JARID2: variants seen among roughly 807,000 people sequenced by gnomAD.
The protein encoded by JARID2 is jumonji and AT-rich interaction domain containing 2.
Under a neutral mutation model 125.6 loss-of-function variants are expected in JARID2, and 21 were observed. The observed-to-expected ratio is 0.17, with a 90% CI of 0.12 to 0.24. The LOEUF (loss-of-function observed/expected upper bound fraction) is 0.24, where lower values mean the gene tolerates loss of function less well. Among genes scored for constraint, JARID2 ranks in the 10% least tolerant of loss-of-function variants. JARID2 has a pLI of 1.00. For missense variants in JARID2, 1,303 were observed against 1,639.6 expected, an observed-to-expected ratio of 0.79 and a Z score of 3.55; for synonymous variants, 736 against 661.6, an observed-to-expected ratio of 1.11 and a Z score of -1.73.
chr6:15,442,974 A>C (rs189144530), intron 3 of JARID2, among the ~76,000 whole-genome samples: 1 of 152,236 alleles, frequency 6.6e-6, no homozygotes, highest in Non-Finnish European at 1.5e-5. Context: ...ATATGCACCA[A>C]GTCATGTTTT....
chr6:15,387,121 G>C (rs979080572), intron 2 of JARID2, among the ~76,000 whole-genome samples: 1 of 152,138 alleles, frequency 6.6e-6, no homozygotes, highest in African/African-American at 2.4e-5. Context: ...TTCCCCAGAG[G>C]CACTCTATAG....
intron 3 of JARID2, among the ~76,000 whole-genome samples, chr6:15,413,868 C>T (rs1329507383): frequency 1.3e-5 from 2 of 152,190 alleles, no homozygotes; most frequent in South Asian, 2.1e-4. Flanking sequence ...TTCTTAAGAT[C>T]TCACCCTCTC....
chr6:15,494,183 C>T (rs1048811543), intron 6 of JARID2, among the ~76,000 whole-genome samples: 2 of 152,064 alleles, frequency 1.3e-5, no homozygotes, highest in South Asian at 4.1e-4. Context: ...GTCTCAGTGG[C>T]TTCTTTCCTT....
At chr6:15,333,637 T>C (rs1762788579) in intron 1 of JARID2, among the ~76,000 whole-genome samples, 1 of 152,206 alleles carries the variant, frequency 6.6e-6, no homozygotes, top group South Asian at 2.1e-4. Context: ...CTGACAACAT[T>C]TGCAGTGTTG....
chr6:15,488,531 C>T (rs773974658), intron 6 of JARID2, among the ~76,000 whole-genome samples: 4 of 152,148 alleles, frequency 2.6e-5, no homozygotes, highest in Non-Finnish European at 5.9e-5. Flanking sequence ...GTAGAGGGGA[C>T]GGAAGAGATT....
chr6:15,451,413 G>A (rs1224513290), intron 3 of JARID2, among the ~76,000 whole-genome samples: 3 of 152,176 alleles, frequency 2.0e-5, no homozygotes, highest in African/African-American at 7.2e-5. Flanking sequence ...ATTGGAGGGG[G>A]CGTAGATAGA....
intron 1 of JARID2, among the ~76,000 whole-genome samples, chr6:15,370,009 A>G (rs546959540): frequency 6.6e-6 from 1 of 152,294 alleles, no homozygotes; most frequent in Non-Finnish European, 1.5e-5. Context: ...GGAGTGTTTT[A>G]TGAGGATAGC....
At chr6:15,377,114 C>G (rs898414504) in intron 2 of JARID2, among the ~76,000 whole-genome samples, 10 of 152,250 alleles carry the variant, frequency 6.6e-5, no homozygotes, top group Non-Finnish European at 1.2e-4. Flanking sequence ...CAAATGAAAT[C>G]AGAAGATAGG....
intron 1 of JARID2, among the ~76,000 whole-genome samples, chr6:15,275,534 C>CCCCCCCCG (rs1760468084): frequency 1.4e-4 from 1 of 6,952 alleles, no homozygotes; most frequent in Non-Finnish European, 4.0e-4. Flanking sequence ...GCCCCCCCCG[C>CCCCCCCCG]CCCCCCCCCC....
chr6:15,467,707 G>A (rs558608785), intron 4 of JARID2, among the ~76,000 whole-genome samples: 19 of 152,174 alleles, frequency 1.2e-4, no homozygotes, highest in African/African-American at 2.4e-4. Context: ...GTGGTGGTGC[G>A]CACCTGTAGC....
intron 1 of JARID2, among the ~76,000 whole-genome samples, chr6:15,295,085 T>G (rs1221921151): frequency 1.3e-5 from 2 of 152,058 alleles, no homozygotes; most frequent in Non-Finnish European, 1.5e-5. Context: ...TGCAGACCAT[T>G]TGTGTGACCA....
At chr6:15,252,849 T>C (rs1759509459) in intron 1 of JARID2, among the ~76,000 whole-genome samples, 1 of 152,212 alleles carries the variant, frequency 6.6e-6, no homozygotes, top group African/African-American at 2.4e-5. Context: ...CAGTCTTTGT[T>C]TTTCTGATTC....
chr6:15,257,142 A>G (rs952043366), intron 1 of JARID2, among the ~76,000 whole-genome samples: 1 of 152,152 alleles, frequency 6.6e-6, no homozygotes, highest in Non-Finnish European at 1.5e-5. Flanking sequence ...TGCCTTTGGA[A>G]ATACTTTTCT....
At chr6:15,503,788 G>A (rs1332363208) in intron 8 of JARID2, among the ~76,000 whole-genome samples, 3 of 152,204 alleles carry the variant, frequency 2.0e-5, no homozygotes, top group African/African-American at 4.8e-5. Flanking sequence ...TCTGAAAAAC[G>A]CACCACATTT....
intron 1 of JARID2, among the ~76,000 whole-genome samples, chr6:15,334,339 G>A (rs920948184): frequency 2.0e-5 from 3 of 152,038 alleles, no homozygotes; most frequent in Admixed American, 6.5e-5. Flanking sequence ...GAGCCCTAGA[G>A]TTACTTTGGC....
intron 4 of JARID2, among the ~76,000 whole-genome samples, chr6:15,454,236 A>G (rs1768049802): frequency 6.6e-6 from 1 of 150,714 alleles, no homozygotes; most frequent in Non-Finnish European, 1.5e-5. Context: ...GTTGCTCCTC[A>G]CCCCCTCTCC....
At chr6:15,413,008 G>GTTTGTTTTTTTTTT (rs1765958572) in intron 3 of JARID2, among the ~76,000 whole-genome samples, 1 of 47,474 alleles carries the variant, frequency 2.1e-5, no homozygotes, top group East Asian at 5.4e-4. Flanking sequence ...TTGTGTTTTT[G>GTTTGTTTTTTTTTT]TTTTTTTTTT....
chr6:15,433,418 G>C (rs928257606), intron 3 of JARID2, among the ~76,000 whole-genome samples: 4,050 of 101,758 alleles, frequency 0.04, 156 homozygotes, highest in African/African-American at 0.11. Context: ...CTCTGTGTGT[G>C]TGTGTGTGTG....
intron 3 of JARID2, among the ~76,000 whole-genome samples, chr6:15,434,068 G>T (rs1490489259): frequency 6.6e-6 from 1 of 151,938 alleles, no homozygotes; most frequent in Admixed American, 6.6e-5. Context: ...TTTATACCCA[G>T]TGGGGGAATC....
Sources: gnomAD v4.1 joint callset for allele counts (sites outside exome capture counted in the v4.1 genomes callset) on GRCh38, gnomAD v4.1.1 for gene constraint, MANE v1.5 for transcripts, NCBI Gene and HGNC (gene_info 2026-07-23, HGNC 2026-07-21) for gene names.